The following SLC14A2 variants were observed in gnomAD, a reference collection of about 807,000 sequenced individuals.
SLC14A2 encodes urea transporter 2.
Under a neutral mutation model 104.6 loss-of-function variants are expected in SLC14A2, and 91 were observed. The observed-to-expected ratio is 0.87, with a 90% CI of 0.73 to 1.04. The LOEUF (loss-of-function observed/expected upper bound fraction) is 1.04. Among genes scored for constraint, SLC14A2 ranks in the 50% least tolerant of loss-of-function variants. The pLI, the probability that SLC14A2 is intolerant of heterozygous loss-of-function variation, is 0.00. For synonymous variants in SLC14A2, 476 were observed against 466.4 expected (o/e 1.02, Z -0.27); for missense variants, 1,189 against 1,156.0 (o/e 1.03, Z -0.41).
chr18:45,179,212 C>T, the SLC14A2 span, among the ~76,000 whole-genome samples: 1 of 152,160 alleles, frequency 6.6e-6, no homozygotes, highest in South Asian at 2.1e-4. Flanking sequence ...TCTATGGATC[C>T]TGTATCATAG....
At chr18:45,538,134 G>A (rs867207482) in intron 2 of SLC14A2, among the ~76,000 whole-genome samples, 5 of 152,168 alleles carry the variant, frequency 3.3e-5, no homozygotes, top group South Asian at 4.1e-4. Context: ...GGACTTGCAA[G>A]GGCCTCATCT....
At chr18:45,369,586 A>G (rs2085701432) in intron 1 of SLC14A2, among the ~76,000 whole-genome samples, 1 of 152,224 alleles carries the variant, frequency 6.6e-6, no homozygotes, top group East Asian at 1.9e-4. Context: ...GTTTTATGCT[A>G]GCATCATTAT....
At chr18:45,596,733 C>T (rs1405646035) in intron 2 of SLC14A2, among the ~76,000 whole-genome samples, 1 of 152,196 alleles carries the variant, frequency 6.6e-6, no homozygotes, top group African/African-American at 2.4e-5. Context: ...TCCAGATCAT[C>T]GAAGGTAATC....
At chr18:45,427,272 A>T (rs969541666) in intron 1 of SLC14A2, among the ~76,000 whole-genome samples, 5 of 151,998 alleles carry the variant, frequency 3.3e-5, no homozygotes, top group Admixed American at 2.0e-4. Context: ...AAGGGAAAAA[A>T]AAAAGGACTC....
chr18:45,583,024 G>A (rs972615854), intron 2 of SLC14A2, among the ~76,000 whole-genome samples: 15 of 152,204 alleles, frequency 9.9e-5, no homozygotes, highest in Non-Finnish European at 1.5e-4. Context: ...CTTGGGACAT[G>A]AGGCTTCAAG....
chr18:45,173,066 A>G, the SLC14A2 span, among the ~76,000 whole-genome samples: 1 of 152,164 alleles, frequency 6.6e-6, no homozygotes, highest in Non-Finnish European at 1.5e-5. Flanking sequence ...GAAGTCACAT[A>G]CTACCATTAT....
intron 3 of SLC14A2, 107 bp downstream of exon 3, chr18:45,625,970 T>G: frequency 1.2e-6 from 1 of 844,882 alleles, no homozygotes. Context: ...ACCCTCACCC[T>G]GGGTGGATCT....
At chr18:45,414,757 A>AAAAAATATATATATATATATAT (rs1360051908) in intron 1 of SLC14A2, among the ~76,000 whole-genome samples, 5 of 76,096 alleles carry the variant, frequency 6.6e-5, no homozygotes, top group African/African-American at 3.1e-4. Context: ...AAAAAAAAAA[A>AAAAAATATATATATATATATAT]ATATATATAT....
intron 1 of SLC14A2, among the ~76,000 whole-genome samples, chr18:45,229,776 A>G (rs2084156754): frequency 6.6e-6 from 1 of 152,182 alleles, no homozygotes; most frequent in African/African-American, 2.4e-5. Context: ...CCTGCTTACC[A>G]GTTCAAGGTC....
chr18:45,459,272 G>A (rs1378148291), intron 1 of SLC14A2, among the ~76,000 whole-genome samples: 1 of 152,214 alleles, frequency 6.6e-6, no homozygotes, highest in African/African-American at 2.4e-5. Flanking sequence ...CAGCCCCAAA[G>A]CAAGAGTGCC....
At chr18:45,666,313 G>A (rs1473387603) in intron 12 of SLC14A2, 94 bp downstream of exon 12, 15 of 787,948 alleles carry the variant, frequency 1.9e-5, no homozygotes, top group South Asian at 3.4e-5. Context: ...AAGGTTCTCC[G>A]ATTTAGGCAA....
At chr18:45,365,176 G>A (rs772967732) in intron 1 of SLC14A2, among the ~76,000 whole-genome samples, 1 of 152,306 alleles carries the variant, frequency 6.6e-6, no homozygotes, top group African/African-American at 2.4e-5. Context: ...CAAAACCTCT[G>A]CTTCTCCAGT....
chr18:45,304,962 C>T (rs968865529), intron 1 of SLC14A2, among the ~76,000 whole-genome samples: 2 of 152,220 alleles, frequency 1.3e-5, no homozygotes, highest in African/African-American at 4.8e-5. Flanking sequence ...TACATGTTTC[C>T]TTGCCCTTGC....
chr18:45,288,410 A>G (rs11662289), intron 1 of SLC14A2, among the ~76,000 whole-genome samples: 45,769 of 152,134 alleles, frequency 0.3, 8,130 homozygotes, highest in African/African-American at 0.5. Context: ...GGCAGGAGCA[A>G]CGATGGTGAC....
chr18:45,494,130 G>T (rs1395719508), intron 2 of SLC14A2, among the ~76,000 whole-genome samples: 1 of 152,228 alleles, frequency 6.6e-6, no homozygotes, highest in Non-Finnish European at 1.5e-5. Context: ...TATAGGAAGG[G>T]TGATCTGGAG....
intron 2 of SLC14A2, among the ~76,000 whole-genome samples, chr18:45,598,054 A>G (rs2044738745): frequency 6.6e-6 from 1 of 152,106 alleles, no homozygotes; most frequent in Non-Finnish European, 1.5e-5. Context: ...TTTGCATTTT[A>G]CTGAATGGGA....
At chr18:45,628,090 T>C (rs1445366872) in intron 4 of SLC14A2, among the ~76,000 whole-genome samples, 1 of 151,814 alleles carries the variant, frequency 6.6e-6, no homozygotes, top group Non-Finnish European at 1.5e-5. Context: ...GACTTTGCCG[T>C]ATATTTTTCC....
intron 2 of SLC14A2, among the ~76,000 whole-genome samples, chr18:45,605,839 C>G (rs762395847): frequency 1.8e-4 from 28 of 152,120 alleles, no homozygotes; most frequent in Admixed American, 5.9e-4. Context: ...GGAACAGCAG[C>G]CTGCAGTCTC....
chr18:45,475,804 C>T (rs1474261233), intron 1 of SLC14A2, among the ~76,000 whole-genome samples: 2 of 151,090 alleles, frequency 1.3e-5, no homozygotes, highest in Non-Finnish European at 2.9e-5. Flanking sequence ...GATTGCAACG[C>T]CTGCTTTTTT....
Sources: allele counts gnomAD v4.1 joint callset (sites outside exome capture counted in the v4.1 genomes callset), GRCh38; gene constraint gnomAD v4.1.1; transcripts MANE v1.5; gene names NCBI Gene and HGNC (gene_info 2026-07-23, HGNC 2026-07-21).